Variants in PCDH15 observed in about 807,000 individuals in gnomAD.
PCDH15 encodes protocadherin-15.
A neutral mutation model predicts 178.5 loss-of-function variants in PCDH15; 129 were observed. The ratio of observed to expected loss-of-function variants is 0.72; its 90% confidence interval spans 0.63 to 0.84. The LOEUF (loss-of-function observed/expected upper bound fraction) is 0.84. Among genes scored for constraint, PCDH15 ranks in the 40% least tolerant of loss-of-function variants. The pLI is 0.00. For synonymous variants in PCDH15, 800 were observed against 732.0 expected (o/e 1.09, Z -1.50); for missense variants, 2,230 against 2,099.9 (o/e 1.06, Z -1.21).
At chr10:53,897,062 G>T (rs10825155) in intron 26 of PCDH15, among the ~76,000 whole-genome samples, 97,394 of 152,004 alleles carry the variant, frequency 0.64, 32,358 homozygotes, top group East Asian at 0.87. Context: ...ACAAAACCAG[G>T]CCCTGGTGCC....
chr10:53,932,452 C>A (rs1227094449), intron 25 of PCDH15, among the ~76,000 whole-genome samples: 1 of 152,174 alleles, frequency 6.6e-6, no homozygotes, highest in Non-Finnish European at 1.5e-5. Context: ...TTTCTGTCTA[C>A]ATTTATCTGA....
At chr10:54,095,330 G>A (rs569642210) in intron 15 of PCDH15, among the ~76,000 whole-genome samples, 1 of 151,916 alleles carries the variant, frequency 6.6e-6, no homozygotes, top group East Asian at 1.9e-4. Flanking sequence ...TTCATGTCAA[G>A]TACTGTTATT....
intron 15 of PCDH15, among the ~76,000 whole-genome samples, chr10:54,118,609 G>A (rs1209979610): frequency 1.3e-5 from 2 of 151,978 alleles, no homozygotes; most frequent in African/African-American, 2.4e-5. Context: ...GCAGTGAGTC[G>A]AGATTGTGCC....
chr10:54,357,348 A>C (rs1945186862), intron 5 of PCDH15, among the ~76,000 whole-genome samples: 1 of 152,186 alleles, frequency 6.6e-6, no homozygotes, highest in African/African-American at 2.4e-5. Context: ...CAAAAATCAC[A>C]AGCATTCTTA....
At chr10:55,486,262 T>G (rs1256209637) in intron 2 of PCDH15, among the ~76,000 whole-genome samples, 2 of 151,590 alleles carry the variant, frequency 1.3e-5, no homozygotes, top group Non-Finnish European at 3.0e-5. Flanking sequence ...AAAAAATAAA[T>G]GAAGGAAACA....
intron 2 of PCDH15, among the ~76,000 whole-genome samples, chr10:55,383,552 A>T (rs940687878): frequency 1.3e-5 from 2 of 152,158 alleles, no homozygotes; most frequent in Non-Finnish European, 1.5e-5. Flanking sequence ...AATACTAATT[A>T]TGGAATGACA....
intron 1 of PCDH15, among the ~76,000 whole-genome samples, chr10:55,221,147 G>A (rs1179393071): frequency 2.0e-5 from 3 of 151,826 alleles, no homozygotes; most frequent in East Asian, 1.9e-4. Flanking sequence ...GAAACAGATA[G>A]CACACACACA....
At chr10:55,115,901 T>C (rs1837618794) in intron 2 of PCDH15, among the ~76,000 whole-genome samples, 1 of 152,300 alleles carries the variant, frequency 6.6e-6, no homozygotes, top group Non-Finnish European at 1.5e-5. Context: ...TGAGAATATA[T>C]AGTAATTTAG....
chr10:54,765,902 C>T (rs1948449902), intron 1 of PCDH15, among the ~76,000 whole-genome samples: 1 of 152,204 alleles, frequency 6.6e-6, no homozygotes, highest in Admixed American at 6.5e-5. Flanking sequence ...GTTCACATTA[C>T]TTTTCATGCT....
At chr10:54,038,648 G>A (rs1911396) in intron 18 of PCDH15, among the ~76,000 whole-genome samples, 111,317 of 151,646 alleles carry the variant, frequency 0.73, 41,110 homozygotes, top group Middle Eastern at 0.83. Context: ...GGTCATCTCT[G>A]AAGTGGCTAG....
At chr10:55,077,677 GTAGCTGGTA>G (rs1330179794) in intron 2 of PCDH15, among the ~76,000 whole-genome samples, 1 of 151,994 alleles carries the variant, frequency 6.6e-6, no homozygotes, top group Non-Finnish European at 1.5e-5. Flanking sequence ...AGCCTCCCGA[GTAGCTGGTA>G]TTAAAGGCAT....
chr10:55,401,960 C>T (rs1838081576), intron 2 of PCDH15, among the ~76,000 whole-genome samples: 1 of 151,886 alleles, frequency 6.6e-6, no homozygotes, highest in African/African-American at 2.4e-5. Flanking sequence ...TAAAGAAAAG[C>T]CAGGAGTCCA....
At chr10:54,972,848 C>CAAAAAAA (rs750356955) in intron 2 of PCDH15, among the ~76,000 whole-genome samples, 14 of 53,454 alleles carry the variant, frequency 2.6e-4, no homozygotes, top group Non-Finnish European at 4.0e-4. Flanking sequence ...GACTCCATCT[C>CAAAAAAA]AAAAAAAAAA....
chr10:55,023,027 C>T (rs907254987), intron 2 of PCDH15, among the ~76,000 whole-genome samples: 5 of 152,032 alleles, frequency 3.3e-5, no homozygotes, highest in Admixed American at 1.3e-4. Flanking sequence ...CTGCAAGCTC[C>T]GCCTCCCAAA....
intron 15 of PCDH15, among the ~76,000 whole-genome samples, chr10:54,115,488 T>C (rs2095097672): frequency 6.6e-6 from 1 of 152,234 alleles, no homozygotes; most frequent in Non-Finnish European, 1.5e-5. Flanking sequence ...ATCAGTCCTA[T>C]TCAGAGAATG....
At chr10:54,128,284 A>G (rs2042145986) in intron 15 of PCDH15, among the ~76,000 whole-genome samples, 1 of 152,134 alleles carries the variant, frequency 6.6e-6, no homozygotes. Context: ...TCTTCTTCAC[A>G]TGCTTCAGTA....
chr10:54,945,347 TAGATGATAGATAGATATATA>T (rs1263185015), intron 2 of PCDH15, among the ~76,000 whole-genome samples: 1 of 140,600 alleles, frequency 7.1e-6, no homozygotes, highest in Admixed American at 7.1e-5. Flanking sequence ...GATAGATAGA[TAGATGATAGATAGATATATA>T]GATAGATAGA....
chr10:55,237,610 A>G (rs796939339), intron 1 of PCDH15, among the ~76,000 whole-genome samples: 4 of 152,268 alleles, frequency 2.6e-5, no homozygotes, highest in African/African-American at 9.6e-5. Flanking sequence ...TTGATGCTGT[A>G]TAATTCTCTA....
At chr10:54,197,045 T>C (rs1460711842) in intron 10 of PCDH15, among the ~76,000 whole-genome samples, 1 of 152,180 alleles carries the variant, frequency 6.6e-6, no homozygotes, top group Non-Finnish European at 1.5e-5. Context: ...AATAAAGTTA[T>C]ATTTATTGCC....
Sources: gnomAD v4.1 joint callset for allele counts (sites outside exome capture counted in the v4.1 genomes callset) on GRCh38, gnomAD v4.1.1 for gene constraint, MANE v1.5 for transcripts, NCBI Gene and HGNC (gene_info 2026-07-23, HGNC 2026-07-21) for gene names.